The following EPB41L4A variants were observed in gnomAD, a reference collection of about 807,000 sequenced individuals.
EPB41L4A encodes the protein erythrocyte membrane protein band 4.1 like 4A.
EPB41L4A carries 100 observed loss-of-function variants against 108.6 expected under a neutral mutation model. The ratio of observed to expected loss-of-function variants is 0.92; its 90% confidence interval spans 0.78 to 1.09. The LOEUF is 1.09. Ranked by LOEUF, EPB41L4A falls within the 50% of genes least tolerant of loss-of-function variation. The probability of loss-of-function intolerance (pLI) is 0.00; values close to 1 mark genes in which losing one functional copy is unlikely to be tolerated. For missense variants in EPB41L4A, 1,030 were observed against 842.7 expected (o/e 1.22, Z -2.75); for synonymous variants, 319 against 289.0 (o/e 1.10, Z -1.05).
At chr5:112,227,093 G>T (rs968383952) in intron 12 of EPB41L4A, among the ~76,000 whole-genome samples, 2 of 152,036 alleles carry the variant, frequency 1.3e-5, no homozygotes, top group African/African-American at 4.8e-5. Flanking sequence ...CTGCCCTGGG[G>T]TGCTAAAATC....
At chr5:112,280,786 T>C (rs1752919567) in intron 2 of EPB41L4A, among the ~76,000 whole-genome samples, 1 of 152,136 alleles carries the variant, frequency 6.6e-6, no homozygotes, top group East Asian at 1.9e-4. Flanking sequence ...CTATTTTTGG[T>C]GGGAAAATAA....
intron 2 of EPB41L4A, among the ~76,000 whole-genome samples, chr5:112,285,948 A>T (rs1314033431): frequency 3.3e-5 from 5 of 152,194 alleles, no homozygotes; most frequent in Admixed American, 3.3e-4. Flanking sequence ...GCCCAAAAGT[A>T]CAGAACAGCA....
At chr5:112,187,597 T>C (rs1761489992) in intron 17 of EPB41L4A, among the ~76,000 whole-genome samples, 1 of 152,172 alleles carries the variant, frequency 6.6e-6, no homozygotes, top group Admixed American at 6.6e-5. Flanking sequence ...ATGAAGAAAA[T>C]GACTATTCCT....
rs1334498403 is a variant in EPB41L4A at position 112,163,109 on chromosome 5, A to G, written c.*1881T>C. 6.6e-6 allele frequency: 1 copy of G among 152,226 alleles called. No homozygotes were observed. The highest frequency in any genetic ancestry group is 1.9e-4 in the East Asian group (1 of 5,200). The allele number at this position is 152,226 out of a possible 1,614,324, so 9.4% of individuals were successfully genotyped here. Reference sequence around the variant, plus strand: ...ATGGTGGAAAATCAGATTTGCAAGAAAAGGTAGTTGAACTAGGTTGCTTAT... The same window carrying G: ...ATGGTGGAAAATCAGATTTGCAAGAGAAGGTAGTTGAACTAGGTTGCTTAT... On this transcript the variant is annotated 3_prime_UTR_variant, in exon 23 of 23. Transcript: ENST00000261486.
rs1028941871 is a variant in EPB41L4A at position 112,215,673 on chromosome 5, G to A, written c.1088-5691C>T. ...AGCTACTCGGGAGGGTGAGGCAGGA[G>A]AATGGCGTGATCCCGGAAGGTGGAG... On this transcript the variant is annotated intron_variant, in intron 12 of 22. Coordinates refer to ENST00000261486, the MANE Select transcript of EPB41L4A (RefSeq NM_022140.5). 2.8e-5 allele frequency among the ~76,000 whole-genome samples: 4 copies of A among 144,542 alleles called. No homozygotes were observed. In the East Asian group the frequency reaches 6.6e-4, roughly 24 times the overall value. The allele number at this position is 144,542 out of a possible 152,430, so 94.8% of individuals were successfully genotyped here.
In EPB41L4A at chr5:112,264,919, T is replaced by C. The variant is rs757670464; in HGVS notation, c.531A>G (p.Ile177Met). The C allele has an allele frequency of 2.5e-6, 4 of 1,612,258 alleles. No homozygotes were observed. The African/African-American group carries it at 4.0e-5, about 16-fold the overall frequency. ...ACATTAGAGTTTTATGAATCCTTTC[T>C]ATGGCTTCTTCAAGTTCTTCCTTCT... ...PDQKEELEEA[I>M]ERIHKTLMGQ... The change falls in exon 6 of 23, where the codon ATA becomes ATG. Residue 177 changes from isoleucine to methionine, a missense_variant. Ile to Met is a conservative substitution (Grantham distance 10). Transcript: ENST00000261486.
intron 1 of EPB41L4A, among the ~76,000 whole-genome samples, chr5:112,310,005 C>T (rs549148860): frequency 1.3e-5 from 2 of 152,334 alleles, no homozygotes; most frequent in East Asian, 3.9e-4. Flanking sequence ...TCCCCATCAT[C>T]CTCAGATAAG....
chr5:112,158,527 C>T (rs1759728869), downstream of EPB41L4A: 1 of 266,136 alleles, frequency 3.8e-6, no homozygotes, highest in Admixed American at 4.4e-5. Context: ...CTCTCTCTCA[C>T]TGCATTAGTC....
chr5:112,412,070 A>C (rs1049843318), intron 1 of EPB41L4A, among the ~76,000 whole-genome samples: 5 of 152,180 alleles, frequency 3.3e-5, no homozygotes, highest in Admixed American at 6.5e-5. Context: ...AGGGCTCAGA[A>C]GGTGTCGTTC....
intron 12 of EPB41L4A, among the ~76,000 whole-genome samples, chr5:112,156,584 C>G (rs1456691937): frequency 6.6e-6 from 1 of 152,182 alleles, no homozygotes; most frequent in African/African-American, 2.4e-5. Flanking sequence ...TTTATTGATT[C>G]AAATGCTAAT....
intron 1 of EPB41L4A, among the ~76,000 whole-genome samples, chr5:112,339,496 C>CTATATATA (rs1207569382): frequency 9.3e-5 from 3 of 32,304 alleles, no homozygotes; most frequent in African/African-American, 3.8e-4. Context: ...ATATATATAT[C>CTATATATA]TATATATATA....
At chr5:112,316,449 G>A (rs550497106) in intron 1 of EPB41L4A, among the ~76,000 whole-genome samples, 285 of 152,178 alleles carry the variant, frequency 1.9e-3, no homozygotes, top group African/African-American at 4.9e-3. Flanking sequence ...GTGGGCGCAC[G>A]GAGGAGACAT....
intron 1 of EPB41L4A, among the ~76,000 whole-genome samples, chr5:112,353,431 A>G (rs1409601342): frequency 6.6e-6 from 1 of 152,152 alleles, no homozygotes; most frequent in Non-Finnish European, 1.5e-5. Flanking sequence ...CAGTGGTGGT[A>G]GAACAACACT....
At chr5:112,330,843 C>G (rs1756516404) in intron 1 of EPB41L4A, among the ~76,000 whole-genome samples, 1 of 151,792 alleles carries the variant, frequency 6.6e-6, no homozygotes, top group South Asian at 2.1e-4. Flanking sequence ...AAAAAATCAT[C>G]AAGAGTGATT....
chr5:112,382,868 A>C (rs557252284), intron 1 of EPB41L4A, among the ~76,000 whole-genome samples: 15 of 152,174 alleles, frequency 9.9e-5, no homozygotes, highest in Non-Finnish European at 1.6e-4. Context: ...TGCATCTATT[A>C]TTTGTTATGT....
At chr5:112,400,499 G>A (rs532025582) in intron 1 of EPB41L4A, among the ~76,000 whole-genome samples, 1 of 152,148 alleles carries the variant, frequency 6.6e-6, no homozygotes, top group Non-Finnish European at 1.5e-5. Flanking sequence ...ATGGTGGAAG[G>A]CAAAGGGGGA....
At chr5:112,274,889 T>C (rs1274391580) in intron 4 of EPB41L4A, among the ~76,000 whole-genome samples, 1 of 152,162 alleles carries the variant, frequency 6.6e-6, no homozygotes, top group Non-Finnish European at 1.5e-5. Context: ...TCATTTCCTA[T>C]AGAGATAAAT....
chr5:112,227,724 A>G (rs1029281998), intron 12 of EPB41L4A, among the ~76,000 whole-genome samples: 3 of 152,214 alleles, frequency 2.0e-5, no homozygotes, highest in African/African-American at 7.2e-5. Context: ...ATCTGACACA[A>G]TGTGCCAATC....
downstream of EPB41L4A, chr5:112,142,428 T>C (rs1759102268): frequency 1.3e-5 from 2 of 152,342 alleles, no homozygotes; most frequent in South Asian, 2.1e-4. Flanking sequence ...CAAATGATAC[T>C]GTGCTACAAG....
Sources: allele counts gnomAD v4.1 joint callset (sites outside exome capture counted in the v4.1 genomes callset), GRCh38; gene constraint gnomAD v4.1.1; transcripts MANE v1.5; gene names NCBI Gene and HGNC (gene_info 2026-07-23, HGNC 2026-07-21).